The following SYNGR1 variants were observed in gnomAD, a reference collection of about 807,000 sequenced individuals.
The protein encoded by SYNGR1 is synaptogyrin-1.
In SYNGR1, 14 loss-of-function variants were observed where a neutral mutation model predicts 26.1. The observed-to-expected ratio is 0.54, with a 90% CI of 0.35 to 0.84. The LOEUF (loss-of-function observed/expected upper bound fraction) is 0.84. Among genes scored for constraint, SYNGR1 ranks in the 40% least tolerant of loss-of-function variants. The pLI is 0.01. For missense variants in SYNGR1, 319 were observed against 332.9 expected (o/e 0.96, Z 0.33); for synonymous variants, 141 against 150.1 (o/e 0.94, Z 0.44).
At position 39,376,097 on chromosome 22, in the gene SYNGR1, A is replaced by T; in HGVS notation, c.383A>T (p.Asn128Ile). 1 of 1,614,088 alleles carries T rather than the reference A, an allele frequency of 6.2e-7. No individual in the cohort carries two copies. Among genetic ancestry groups the T allele is most frequent in the Non-Finnish European group, 8.5e-7 (1 of 1,180,022 alleles). The change falls in exon 3 of 4, where the codon AAC (asparagine) becomes ATC (isoleucine). Residue 128 changes from asparagine to isoleucine, a missense_variant. Physicochemically the swap from Asn to Ile is moderately radical, Grantham distance 149. Coordinates refer to ENST00000328933, the MANE Select transcript of SYNGR1 (RefSeq NM_004711.5). ...TTCGTGGGATTCTGCTACCTGGCCA[A>T]CCAGTGGCAGGTCTCCAAGCCCAAG... is the stretch of plus-strand genomic sequence containing the variant. Reference protein sequence around the residue: ...LWFVGFCYLANQWQVSKPKDN... With the variant: ...LWFVGFCYLAIQWQVSKPKDN...
intron 3 of SYNGR1, chr22:39,378,018 G>C (rs534583009): frequency 8.3e-7 from 1 of 1,203,626 alleles, no homozygotes; most frequent in Non-Finnish European, 1.1e-6. Flanking sequence ...ATGGACAGCC[G>C]TGGACAGTTA....
At position 39,358,240 on chromosome 22, in the gene SYNGR1, A is replaced by G. The variant is rs571177798; in HGVS notation, c.99+8131A>G. Among the ~76,000 whole-genome samples the G allele has an allele frequency of 3.3e-5, 5 of 152,232 alleles. No homozygotes were observed. The South Asian group carries it at 1.0e-3, about 32-fold the overall frequency. On this transcript the variant is annotated intron_variant, in intron 1 of 3. Transcript: ENST00000328933. ...CCAAACTCTGTATCTAACTAATCTG[A>G]TGGGGACGTGGAGAACCTTTGTATC...
At chr22:39,359,988 C>G (rs543257753) in intron 1 of SYNGR1, among the ~76,000 whole-genome samples, 1 of 152,208 alleles carries the variant, frequency 6.6e-6, no homozygotes, top group South Asian at 2.1e-4. Flanking sequence ...GCCCTCACCA[C>G]CCCTTGGTCC....
intron 1 of SYNGR1, chr22:39,364,032 G>A (rs539000671): frequency 2.2e-5 from 26 of 1,157,646 alleles, no homozygotes; most frequent in Admixed American, 6.2e-5. Flanking sequence ...GGCACAGCTC[G>A]CCCTGAGCCT....
At chr22:39,363,702 G>C (rs548430046) in intron 1 of SYNGR1, among the ~76,000 whole-genome samples, 1 of 152,222 alleles carries the variant, frequency 6.6e-6, no homozygotes, top group East Asian at 1.9e-4. Context: ...CTGCTGCCTG[G>C]GGACTGCCTG....
intron 1 of SYNGR1, among the ~76,000 whole-genome samples, chr22:39,361,325 A>G (rs1924461517): frequency 6.6e-6 from 1 of 151,268 alleles, no homozygotes; most frequent in Admixed American, 6.6e-5. Flanking sequence ...GGGTGAGGAA[A>G]AGCAGACAGA....
At position 39,385,273 on chromosome 22, in the gene SYNGR1, G is replaced by A; in HGVS notation, c.*3359G>A. On this transcript the variant is annotated 3_prime_UTR_variant, in exon 4 of 4. Transcript: ENST00000328933. ...GTCCTGGTGCGCACAGCCCTTGTCGGTGCCCCGGCCCCTCCCGCAGCGTTA... is the reference window on the plus strand; with the variant it reads ...GTCCTGGTGCGCACAGCCCTTGTCGATGCCCCGGCCCCTCCCGCAGCGTTA... The A allele has an allele frequency of 2.9e-6, 1 of 340,454 alleles. No homozygotes were observed. 21.1% of individuals were successfully genotyped at this position (340,454 alleles called of 1,614,324 possible).
intron 3 of SYNGR1, among the ~76,000 whole-genome samples, chr22:39,376,811 C>G (rs1955890464): frequency 6.6e-6 from 1 of 152,190 alleles, no homozygotes; most frequent in African/African-American, 2.4e-5. Context: ...GAATAGGGAC[C>G]TAGAGAAGGC....
At chr22:39,358,542 C>G (rs1427793874) in intron 1 of SYNGR1, among the ~76,000 whole-genome samples, 1 of 151,996 alleles carries the variant, frequency 6.6e-6, no homozygotes, top group East Asian at 1.9e-4. Flanking sequence ...ACCACGAGCC[C>G]ACCGGGAGGA....
intron 1 of SYNGR1, among the ~76,000 whole-genome samples, chr22:39,370,085 A>C (rs1924949969): frequency 6.6e-6 from 1 of 152,030 alleles, no homozygotes; most frequent in Admixed American, 6.6e-5. Flanking sequence ...CTCCCACCTC[A>C]GTCCCCCAAG....
intron 1 of SYNGR1, among the ~76,000 whole-genome samples, chr22:39,362,313 A>C (rs543666568): frequency 3.4e-4 from 52 of 151,910 alleles, no homozygotes; most frequent in Non-Finnish European, 6.9e-4. Context: ...TGCCCAGCGG[A>C]GTCCACTCCA....
chr22:39,357,776 A>G (rs1924233092), intron 1 of SYNGR1, among the ~76,000 whole-genome samples: 1 of 152,218 alleles, frequency 6.6e-6, no homozygotes, highest in South Asian at 2.1e-4. Flanking sequence ...TGGGTCCCTC[A>G]GCAGTGCAAG....
chr22:39,372,612 G>C (rs1242042283), intron 1 of SYNGR1, among the ~76,000 whole-genome samples: 6 of 151,848 alleles, frequency 4.0e-5, no homozygotes, highest in Non-Finnish European at 7.4e-5. Flanking sequence ...TGGATGACAG[G>C]CATGTGCTAC....
chr22:39,371,962 A>G (rs1925041605), intron 1 of SYNGR1, among the ~76,000 whole-genome samples: 1 of 152,160 alleles, frequency 6.6e-6, no homozygotes, highest in African/African-American at 2.4e-5. Flanking sequence ...GCCCTACAAC[A>G]TAAGGCTTAT....
At chr22:39,362,917 G>A (rs1466740176) in intron 1 of SYNGR1, among the ~76,000 whole-genome samples, 3 of 152,134 alleles carry the variant, frequency 2.0e-5, no homozygotes, top group Admixed American at 6.5e-5. Context: ...GGGGAGAGAC[G>A]TGCACCCAAC....
rs2145638606 is a variant in SYNGR1, at chr22:39,385,229, T to C, written c.*3315T>C. The C allele has an allele frequency of 2.6e-6, 1 of 380,792 alleles. No homozygotes were observed. Among genetic ancestry groups the C allele is most frequent in the South Asian group, 1.5e-4 (1 of 6,836 alleles). 23.6% of individuals were successfully genotyped at this position (380,792 alleles called of 1,614,324 possible). On this transcript the variant is annotated 3_prime_UTR_variant, in exon 4 of 4. Transcript: ENST00000328933. Reference sequence around the variant, plus strand: ...GGCCGGCTGCCTCCCAGCGATGCACTTGACCTGACACTCCCCATGTCCTGG... The same window carrying C: ...GGCCGGCTGCCTCCCAGCGATGCACCTGACCTGACACTCCCCATGTCCTGG...
At chr22:39,358,049 G>A (rs940521542) in intron 1 of SYNGR1, among the ~76,000 whole-genome samples, 2 of 152,264 alleles carry the variant, frequency 1.3e-5, no homozygotes, top group Admixed American at 6.5e-5. Context: ...ACTAGGTGAA[G>A]CCAGCTGGGC....
At chr22:39,353,674 G>T (rs1044258521) in intron 1 of SYNGR1, among the ~76,000 whole-genome samples, 1 of 152,216 alleles carries the variant, frequency 6.6e-6, no homozygotes, top group African/African-American at 2.4e-5. Flanking sequence ...TCTGTTGCGC[G>T]GTGACTGCCG....
Position 39,385,247 on chromosome 22 carries a change from T to A in SYNGR1, c.*3333T>A, listed in dbSNP as rs1429298446. 2.7e-6 allele frequency: 1 copy of A among 369,374 alleles called. No homozygotes were observed. The highest frequency in any genetic ancestry group is 4.8e-6 in the Non-Finnish European group (1 of 208,000). The allele number at this position is 369,374 out of a possible 1,614,324, so 22.9% of individuals were successfully genotyped here. ...GATGCACTTGACCTGACACTCCCCA[T>A]GTCCTGGTGCGCACAGCCCTTGTCG... On this transcript the variant is annotated 3_prime_UTR_variant, in exon 4 of 4. Coordinates refer to ENST00000328933, the MANE Select transcript of SYNGR1 (RefSeq NM_004711.5).
Sources: gnomAD v4.1 joint callset for allele counts (sites outside exome capture counted in the v4.1 genomes callset) on GRCh38, gnomAD v4.1.1 for gene constraint, MANE v1.5 for transcripts, NCBI Gene and HGNC (gene_info 2026-07-23, HGNC 2026-07-21) for gene names.